The following VPS13C variants were observed in gnomAD, a reference collection of about 807,000 sequenced individuals.
VPS13C encodes vacuolar protein sorting 13 homolog C, also known as intermembrane lipid transfer protein VPS13C.
Under a neutral mutation model 456.8 loss-of-function variants are expected in VPS13C, and 358 were observed. The observed-to-expected ratio is 0.78, with a 90% CI of 0.72 to 0.86. The LOEUF is 0.86. Among genes scored for constraint, VPS13C ranks in the 40% least tolerant of loss-of-function variants. The pLI is 0.00. For missense variants in VPS13C, 4,818 were observed against 4,385.4 expected, an observed-to-expected ratio of 1.10 and a Z score of -2.79; for synonymous variants, 1,578 against 1,486.7, an observed-to-expected ratio of 1.06 and a Z score of -1.41.
rs1480599892 is a variant in VPS13C at position 61,934,336 on chromosome 15, T to C, written c.5756-5A>G. The C allele has an allele frequency of 2.7e-6, 4 of 1,489,956 alleles. No homozygotes were observed. Among genetic ancestry groups the C allele is most frequent in the Non-Finnish European group, 3.6e-6 (4 of 1,116,908 alleles). 92.3% of individuals were successfully genotyped at this position (1,489,956 alleles called of 1,614,324 possible). On this transcript the variant is annotated splice_polypyrimidine_tract_variant and splice_region_variant and intron_variant, in intron 48 of 84. Coordinates refer to ENST00000644861, the MANE Select transcript of VPS13C (RefSeq NM_020821.3). ...AGTCTGTCCAATCTTCTTGTTCTAATGGTGAAAATTTAAAAGCTTTTAAGT... is the reference window on the plus strand; with the variant it reads ...AGTCTGTCCAATCTTCTTGTTCTAACGGTGAAAATTTAAAAGCTTTTAAGT...
rs72747891 is a variant in VPS13C, at chr15:61,923,510, T to C, written c.6610-748A>G. On this transcript the variant is annotated intron_variant, in intron 53 of 84. Coordinates refer to ENST00000644861, the MANE Select transcript of VPS13C (RefSeq NM_020821.3). ...GTTTAAAATCTTCATCAACTTCCCA[T>C]AATTTTTTTATCCCACAAGATAAAA... is the stretch of plus-strand genomic sequence containing the variant. 4.8e-3 allele frequency among the ~76,000 whole-genome samples: 734 copies of C among 152,222 alleles called. 6 individuals carry two copies. The highest frequency in any genetic ancestry group is 8.5e-3 in the Non-Finnish European group (579 of 68,014).
intron 66 of VPS13C, among the ~76,000 whole-genome samples, chr15:61,891,990 C>G (rs1256165102): frequency 6.6e-6 from 1 of 152,184 alleles, no homozygotes; most frequent in Non-Finnish European, 1.5e-5. Context: ...CCGAATCTGC[C>G]TGGCACTGCA....
chr15:61,964,092 T>G (rs545433577), intron 31 of VPS13C, 141 bp from the exon 32 acceptor site: 60 of 518,940 alleles, frequency 1.2e-4, no homozygotes, highest in Non-Finnish European at 1.9e-4. Flanking sequence ...ATTCAAACAC[T>G]TTTTTTGCTT....
At position 62,044,218 on chromosome 15, in the gene VPS13C, AT is replaced by A; in HGVS notation, c.137del (p.Asn46MetfsTer3). The A allele has an allele frequency of 2.0e-6, 3 of 1,485,460 alleles. No homozygotes were observed. Among genetic ancestry groups the A allele is most frequent in the East Asian group, 2.3e-5 (1 of 42,976 alleles). 92.0% of individuals were successfully genotyped at this position (1,485,460 alleles called of 1,614,324 possible). On this transcript the variant is annotated frameshift_variant, in exon 2 of 85. Transcript: ENST00000644861. LOFTEE classifies it high-confidence loss of function. ...VALDNLQIKE[N>X]ALSELDVPFK... is the part of the protein sequence containing the mutation. ...TAGTTTAAAAAAAACTTACCAGGGC[AT>A]TTTCTTTTATCTGTAGATTATCTAA...
rs1260183553 is a variant in VPS13C at position 61,867,182 on chromosome 15, A to G, written c.10863+1477T>C. ...TTGCCTAATTACATGTTCAACTTCT[A>G]TCTACATTAATTAAAACTAATAATT... On this transcript the variant is annotated intron_variant, in intron 81 of 84. Coordinates refer to ENST00000644861, the MANE Select transcript of VPS13C (RefSeq NM_020821.3). The surrounding 1 kb of genome is among the most constrained non-coding windows in gnomAD (Gnocchi z 5.0). The G allele has an allele frequency of 3.6e-5, 35 of 983,446 alleles. No individual in the cohort carries two copies. The highest frequency in any genetic ancestry group is 4.2e-5 in the Non-Finnish European group (35 of 828,208). The allele number at this position is 983,446 out of a possible 1,614,324, so 60.9% of individuals were successfully genotyped here.
rs767080349 is a variant in VPS13C, at chr15:61,920,550, A to G, written c.7160T>C (p.Met2387Thr). ...MAIHISSGNTMNITISKSCLN... is the reference protein window; with the variant it reads ...MAIHISSGNTTNITISKSCLN... ...ACAACTTTTGGATATTGTTATATTC[A>G]TTGTATTTCCTGAAGAAATATGAAT... The change falls in exon 56 of 85, where the codon ATG (methionine) becomes ACG (threonine). Residue 2387 changes from methionine to threonine, a missense_variant. This residue lies in a region of VPS13C where 4,552 missense variants were observed against 4,130.6 expected (regional missense o/e 1.10). Coordinates refer to ENST00000644861, the MANE Select transcript of VPS13C (RefSeq NM_020821.3). The G allele has an allele frequency of 1.4e-5, 22 of 1,577,888 alleles. No homozygotes were observed. Among genetic ancestry groups the G allele is most frequent in the Admixed American group, 1.2e-4 (6 of 49,930 alleles).
At chr15:61,977,306 T>C (rs2045733939) in intron 23 of VPS13C, 107 bp from the exon 24 acceptor site, 2 of 704,192 alleles carry the variant, frequency 2.8e-6, no homozygotes, top group Admixed American at 3.7e-5. Context: ...AGACATTCTA[T>C]GGAAAATCAC....
At chr15:61,994,393 G>C (rs1441387189) in intron 16 of VPS13C, among the ~76,000 whole-genome samples, 1 of 152,146 alleles carries the variant, frequency 6.6e-6, no homozygotes, top group African/African-American at 2.4e-5. Context: ...CCCAGCAGTA[G>C]CAAATACCTT....
chr15:61,881,896 T>C, intron 69 of VPS13C, 68 bp from the exon 70 acceptor site: 1 of 1,385,078 alleles, frequency 7.2e-7, no homozygotes, highest in Non-Finnish European at 9.7e-7. Context: ...AAAGATAATG[T>C]TATAGAAGAG....
chr15:62,043,963 A>G (rs147835473), intron 2 of VPS13C, among the ~76,000 whole-genome samples: 1,697 of 152,318 alleles, frequency 0.011, 30 homozygotes, highest in African/African-American at 0.039. Flanking sequence ...AAAGTCAACT[A>G]CAAAACTATA....
chr15:61,961,953 C>T (rs897614412), intron 34 of VPS13C, 60 bp from the exon 35 acceptor site: 30 of 1,505,208 alleles, frequency 2.0e-5, no homozygotes, highest in African/African-American at 2.8e-5. Context: ...TCAATAATAA[C>T]ACTATCTTCT....
At chr15:61,921,275 G>C (rs1337673817) in intron 55 of VPS13C, among the ~76,000 whole-genome samples, 2 of 152,072 alleles carry the variant, frequency 1.3e-5, no homozygotes, top group Non-Finnish European at 2.9e-5. Context: ...TGTGGAGTCA[G>C]TTTCAGTGCC....
intron 16 of VPS13C, among the ~76,000 whole-genome samples, chr15:61,997,561 C>T (rs938670674): frequency 9.9e-5 from 15 of 152,224 alleles, no homozygotes; most frequent in African/African-American, 3.4e-4. Flanking sequence ...CTGGTCTTCT[C>T]TCATCTCACT....
rs770064650 is a variant in VPS13C, at chr15:61,868,725, C to A, written c.10797G>T (p.Leu3599=). The change falls in exon 81 of 85, where the codon CTG becomes CTT. Residue 3599 remains leucine (L), a synonymous_variant. Coordinates refer to ENST00000644861, the MANE Select transcript of VPS13C (RefSeq NM_020821.3). ...EEVSSLRPPR[L]IHEDGIIRPY... is the part of the protein sequence containing the mutation. ...GACGAATGATGCCATCTTCATGGATCAGGCGAGGGGGACGGAGGCTAGATA... is the reference window on the plus strand; with the variant it reads ...GACGAATGATGCCATCTTCATGGATAAGGCGAGGGGGACGGAGGCTAGATA... 23 of 1,613,988 alleles carry A rather than the reference C, an allele frequency of 1.4e-5. No homozygotes were observed. The highest frequency in any genetic ancestry group is 1.9e-5 in the Non-Finnish European group (22 of 1,180,022).
chr15:61,913,083 G>A (rs573380536), intron 62 of VPS13C, among the ~76,000 whole-genome samples: 49 of 150,332 alleles, frequency 3.3e-4, no homozygotes, highest in Non-Finnish European at 6.9e-4. Flanking sequence ...ACTGTTGGTG[G>A]GACTGTAAAC....
chr15:61,945,786 C>G lies in VPS13C; in HGVS notation c.5077G>C (p.Asp1693His). Residue 1693 changes from aspartate to histidine, a missense_variant, in exon 45 of 85, where the codon GAC becomes CAC. By Grantham distance (81) the Asp-to-His change is moderately conservative (BLOSUM62 -1). Around this residue, in one of 3 missense-constraint regions of VPS13C, gnomAD observed 4,552 missense variants for 4,130.6 expected, o/e 1.10. Coordinates refer to ENST00000644861, the MANE Select transcript of VPS13C (RefSeq NM_020821.3). The part of the protein sequence containing the change: ...GEAYADMSKV[D>H]GKLSFKVGCI... ...CCCACTTTAAAACTAAGTTTGCCGT[C>G]TACTTTGGACATATCAGCATAGGCC... The G allele has an allele frequency of 6.2e-7, 1 of 1,612,254 alleles. No homozygotes were observed. Among genetic ancestry groups the G allele is most frequent in the South Asian group, 1.1e-5 (1 of 90,638 alleles).
intron 1 of VPS13C, among the ~76,000 whole-genome samples, chr15:62,054,695 T>C (rs2048730529): frequency 6.6e-6 from 1 of 150,436 alleles, no homozygotes; most frequent in Non-Finnish European, 1.5e-5. Flanking sequence ...GTAACAAACC[T>C]GCACATTCTG....
chr15:61,951,762 G>C, intron 39 of VPS13C, 62 bp downstream of exon 39: 1 of 1,493,576 alleles, frequency 6.7e-7, no homozygotes, highest in South Asian at 1.3e-5. Context: ...GTTTAATGTT[G>C]ATAAAAAGGT....
Position 61,866,322 on chromosome 15 carries a change from T to A in VPS13C, c.10863+2337A>T, listed in dbSNP as rs192661442. On this transcript the variant is annotated intron_variant, in intron 81 of 84. Transcript: ENST00000644861. Reference sequence around the variant, plus strand: ...TAAAAACTAAGAAATCAGACAAGATTATATGTTCAGACAAAATAATTAAAA... The same window carrying A: ...TAAAAACTAAGAAATCAGACAAGATAATATGTTCAGACAAAATAATTAAAA... The A allele has an allele frequency of 3.7e-3, 3,609 of 983,680 alleles. 5 individuals are homozygous for A. Among genetic ancestry groups the A allele is most frequent in the Non-Finnish European group, 4.1e-3 (3,373 of 828,370 alleles). The allele number at this position is 983,680 out of a possible 1,614,324, so 60.9% of individuals were successfully genotyped here.
Sources: allele counts gnomAD v4.1 joint callset (sites outside exome capture counted in the v4.1 genomes callset), GRCh38; gene constraint gnomAD v4.1.1; regional missense constraint gnomAD v4.1.1; non-coding constraint Gnocchi (gnomAD v3.1); transcripts MANE v1.5; gene names NCBI Gene and HGNC (gene_info 2026-07-23, HGNC 2026-07-21).